NRG3: variants seen among roughly 807,000 people sequenced by gnomAD.
NRG3 encodes pro-neuregulin-3, membrane-bound isoform.
In NRG3, 31 loss-of-function variants were observed where a neutral mutation model predicts 66.9. The observed-to-expected ratio is 0.46, with a 90% confidence interval of 0.35 to 0.63. The LOEUF is 0.63. Ranked by LOEUF, NRG3 falls within the 20% of genes least tolerant of loss-of-function variation. NRG3 has a pLI of 0.00. For missense variants in NRG3, 910 were observed against 878.9 expected (o/e 1.04, Z -0.45); for synonymous variants, 393 against 359.4 (o/e 1.09, Z -1.06).
At chr10:82,433,514 G>T (rs889474888) in intron 2 of NRG3, among the ~76,000 whole-genome samples, 4 of 151,474 alleles carry the variant, frequency 2.6e-5, no homozygotes, top group Admixed American at 1.3e-4. Context: ...ATTGCTTTTG[G>T]CATTTTTGTC....
rs572191954 is a variant in NRG3, at chr10:82,828,724, T to C, written c.1028-36687T>C. On this transcript the variant is annotated intron_variant, in intron 3 of 8. Transcript: ENST00000372141. ...GAATATTATAAACCATGAAAGCTTA[T>C]ATGAGGCTACAAAATAAGTTGGGAG... is the stretch of plus-strand genomic sequence containing the variant. Among the ~76,000 whole-genome samples, 8 of 152,322 alleles carry C rather than the reference T, an allele frequency of 5.3e-5. No homozygotes were observed. The South Asian group carries it at 1.0e-3, about 20-fold the overall frequency.
intron 1 of NRG3, among the ~76,000 whole-genome samples, chr10:81,960,392 C>T (rs993847023): frequency 6.6e-6 from 1 of 152,056 alleles, no homozygotes; most frequent in African/African-American, 2.4e-5. Flanking sequence ...TACCTTTCAA[C>T]CTTCTCATTT....
chr10:82,342,669 C>G (rs2082744711), intron 1 of NRG3, among the ~76,000 whole-genome samples: 1 of 151,936 alleles, frequency 6.6e-6, no homozygotes, highest in Admixed American at 6.6e-5. Context: ...CGGATATTAG[C>G]CCTTTGTCAG....
At chr10:82,040,588 G>A (rs574349586) in intron 1 of NRG3, among the ~76,000 whole-genome samples, 37 of 152,010 alleles carry the variant, frequency 2.4e-4, no homozygotes, top group East Asian at 5.8e-4. Flanking sequence ...AACATTTGGC[G>A]GATAGAAACT....
intron 6 of NRG3, among the ~76,000 whole-genome samples, chr10:82,968,665 G>GAGGGAGGCAGGGAGGGAGGC (rs760740355): frequency 1.4e-5 from 2 of 146,596 alleles, no homozygotes; most frequent in East Asian, 4.0e-4. Context: ...GGGAGGCAGG[G>GAGGGAGGCAGGGAGGGAGGC]AGGGAGGGAG....
chr10:82,884,114 T>C (rs1188791256), intron 4 of NRG3, among the ~76,000 whole-genome samples: 2 of 152,066 alleles, frequency 1.3e-5, no homozygotes, highest in African/African-American at 4.8e-5. Flanking sequence ...ATAAGCAAAA[T>C]GGGTCTACAC....
chr10:82,548,039 G>GTTTT (rs57096412), intron 2 of NRG3, among the ~76,000 whole-genome samples: 5 of 121,014 alleles, frequency 4.1e-5, no homozygotes, highest in African/African-American at 1.1e-4. Context: ...CTCATGCCAC[G>GTTTT]TTTTTTTTTT....
chr10:82,355,869 G>T (rs1190624668), intron 1 of NRG3, among the ~76,000 whole-genome samples: 1 of 152,140 alleles, frequency 6.6e-6, no homozygotes, highest in Non-Finnish European at 1.5e-5. Flanking sequence ...TTTACTTAGA[G>T]AATGATCATA....
intron 1 of NRG3, among the ~76,000 whole-genome samples, chr10:82,087,822 T>G (rs1338278956): frequency 6.6e-6 from 1 of 152,162 alleles, no homozygotes; most frequent in Non-Finnish European, 1.5e-5. Context: ...TCTCAAATGT[T>G]TTTGTCCACT....
intron 6 of NRG3, among the ~76,000 whole-genome samples, chr10:82,959,601 T>C (rs1850409265): frequency 6.6e-6 from 1 of 152,086 alleles, no homozygotes; most frequent in Admixed American, 6.6e-5. Context: ...ATATGAAAAG[T>C]TCTATAGAGA....
At chr10:82,429,875 G>A (rs976838313) in intron 2 of NRG3, among the ~76,000 whole-genome samples, 7 of 151,858 alleles carry the variant, frequency 4.6e-5, no homozygotes, top group African/African-American at 7.3e-5. Context: ...TAAGTTCACC[G>A]GTTCATTATT....
intron 4 of NRG3, among the ~76,000 whole-genome samples, chr10:82,899,312 A>G (rs1175720307): frequency 3.9e-5 from 6 of 152,204 alleles, no homozygotes; most frequent in Non-Finnish European, 8.8e-5. Context: ...AAGAACCTAG[A>G]GTCCAAAGGT....
intron 3 of NRG3, among the ~76,000 whole-genome samples, chr10:82,864,340 T>A (rs1408987493): frequency 6.6e-6 from 1 of 152,086 alleles, no homozygotes; most frequent in Admixed American, 6.6e-5. Flanking sequence ...CCAAATAAAT[T>A]TTTTAATGAC....
chr10:82,739,501 T>A (rs750213295), intron 3 of NRG3, among the ~76,000 whole-genome samples: 1 of 152,218 alleles, frequency 6.6e-6, no homozygotes, highest in Non-Finnish European at 1.5e-5. Flanking sequence ...GTAAATATTT[T>A]GTACTGACTA....
chr10:82,532,588 A>G (rs964270677), intron 2 of NRG3, among the ~76,000 whole-genome samples: 5 of 147,962 alleles, frequency 3.4e-5, no homozygotes, highest in African/African-American at 1.2e-4. Context: ...TGTATATAGT[A>G]CTATATATGT....
intron 2 of NRG3, among the ~76,000 whole-genome samples, chr10:82,595,015 C>T (rs1384053793): frequency 6.6e-6 from 1 of 151,422 alleles, no homozygotes; most frequent in Non-Finnish European, 1.5e-5. Context: ...GAGATGGGGT[C>T]TTGCTATGTT....
chr10:82,193,925 A>G (rs2074307454), intron 1 of NRG3, among the ~76,000 whole-genome samples: 1 of 152,186 alleles, frequency 6.6e-6, no homozygotes, highest in East Asian at 1.9e-4. Context: ...AACAGAAAAC[A>G]GAAGAGATCT....
intron 4 of NRG3, among the ~76,000 whole-genome samples, chr10:82,869,983 T>A (rs1206269471): frequency 6.6e-6 from 1 of 150,844 alleles, no homozygotes; most frequent in African/African-American, 2.5e-5. Context: ...CCTTTTGTAC[T>A]GGCTTATTTC....
intron 3 of NRG3, among the ~76,000 whole-genome samples, chr10:82,847,705 A>C (rs2063368664): frequency 1.3e-5 from 2 of 152,150 alleles, no homozygotes; most frequent in Admixed American, 1.3e-4. Flanking sequence ...TGAGACTGAA[A>C]ATTTATTTAG....
Sources: allele counts gnomAD v4.1 joint callset (sites outside exome capture counted in the v4.1 genomes callset), GRCh38; gene constraint gnomAD v4.1.1; transcripts MANE v1.5; gene names NCBI Gene and HGNC (gene_info 2026-07-23, HGNC 2026-07-21).